DIAPH2: variants seen among roughly 807,000 people sequenced by gnomAD.
The protein encoded by DIAPH2 is diaphanous related formin 2.
DIAPH2 carries 35 observed loss-of-function variants against 92.7 expected under a neutral mutation model. The ratio of observed to expected loss-of-function variants is 0.38; its 90% CI spans 0.29 to 0.50. The LOEUF (loss-of-function observed/expected upper bound fraction) is 0.50. Ranked by LOEUF, DIAPH2 falls within the 20% of genes least tolerant of loss-of-function variation. The pLI is 0.94. For synonymous variants in DIAPH2, 301 were observed against 280.4 expected (o/e 1.07, Z -0.73); for missense variants, 701 against 819.5 (o/e 0.86, Z 1.77).
intron 4 of DIAPH2, among the ~76,000 whole-genome samples, chrX:96,864,288 G>A (rs1419552964): frequency 2.2e-5 from 2 of 90,603 alleles, no homozygotes; most frequent in African/African-American, 7.4e-5. Context: ...ACTTTTTGAG[G>A]CACTTTTTTT....
chrX:97,364,101 G>T (rs1200738981), intron 24 of DIAPH2, among the ~76,000 whole-genome samples: 9 of 111,930 alleles, frequency 8.0e-5, no homozygotes, highest in Non-Finnish European at 1.7e-4. Flanking sequence ...GCTGATAGAG[G>T]AAATATTGGA....
At chrX:96,842,372 G>A (rs1362063185) in intron 4 of DIAPH2, among the ~76,000 whole-genome samples, 1 of 112,088 alleles carries the variant, frequency 8.9e-6, no homozygotes, top group Non-Finnish European at 1.9e-5. Flanking sequence ...AACGTAGCTG[G>A]CATTTATTGA....
intron 9 of DIAPH2, among the ~76,000 whole-genome samples, chrX:96,930,480 A>C (rs2147793403): frequency 9.0e-6 from 1 of 110,889 alleles, no homozygotes. Context: ...GGAGTTTAAT[A>C]TTTCTTCATA....
At chrX:97,035,590 A>G (rs1378455449) in intron 17 of DIAPH2, among the ~76,000 whole-genome samples, 1 of 112,087 alleles carries the variant, frequency 8.9e-6, no homozygotes, top group Non-Finnish European at 1.9e-5. Flanking sequence ...AAATAAGGGA[A>G]TGTGGTCATA....
At chrX:96,722,565 G>A (rs1196822088) in intron 1 of DIAPH2, among the ~76,000 whole-genome samples, 1 of 111,354 alleles carries the variant, frequency 9.0e-6, no homozygotes, top group African/African-American at 3.3e-5. Context: ...TGGATATGTA[G>A]CAATTTGAGG....
At chrX:96,782,289 G>A (rs1184340521) in intron 4 of DIAPH2, among the ~76,000 whole-genome samples, 1 of 109,067 alleles carries the variant, frequency 9.2e-6, no homozygotes. Context: ...TTGTTTGTTT[G>A]TTTGTTTGTT....
chrX:96,811,820 C>T (rs1337804270), intron 4 of DIAPH2, among the ~76,000 whole-genome samples: 5 of 111,492 alleles, frequency 4.5e-5, no homozygotes, highest in African/African-American at 1.3e-4. Context: ...TGCTGGATTA[C>T]GTTTATTGAT....
chrX:96,783,338 G>T (rs1458860361), intron 4 of DIAPH2, among the ~76,000 whole-genome samples: 2 of 112,356 alleles, frequency 1.8e-5, no homozygotes. Context: ...GACTTCAGAA[G>T]CCTAGGGCTT....
At chrX:96,769,967 G>A (rs2064327975) in intron 4 of DIAPH2, among the ~76,000 whole-genome samples, 1 of 111,991 alleles carries the variant, frequency 8.9e-6, no homozygotes, top group Admixed American at 9.5e-5. Flanking sequence ...GGAGGCTGAG[G>A]TGGGTGGATC....
At chrX:96,884,924 T>G in intron 5 of DIAPH2, 1 of 1,211,309 alleles carries the variant, frequency 8.3e-7, no homozygotes, top group Non-Finnish European at 1.1e-6. Context: ...CAGGACGAAG[T>G]GCTGCGTTTG....
chrX:97,553,940 TAG>T (rs1285242843), intron 26 of DIAPH2, among the ~76,000 whole-genome samples: 2 of 111,864 alleles, frequency 1.8e-5, no homozygotes, highest in African/African-American at 6.5e-5. Flanking sequence ...GTTATATACA[TAG>T]ATAGACATAC....
intron 1 of DIAPH2, among the ~76,000 whole-genome samples, chrX:96,699,307 G>A (rs2063842019): frequency 8.9e-6 from 1 of 111,872 alleles, no homozygotes; most frequent in Non-Finnish European, 1.9e-5. Context: ...AAAGGGCTTC[G>A]TGTTACGGAT....
At chrX:97,064,161 A>G (rs1274242129) in intron 17 of DIAPH2, among the ~76,000 whole-genome samples, 1 of 111,903 alleles carries the variant, frequency 8.9e-6, no homozygotes, top group Non-Finnish European at 1.9e-5. Flanking sequence ...TATACTTCAA[A>G]CCTGACGAAT....
rs182477177 is a variant in DIAPH2 at position 97,073,655 on chromosome X, G to A, written c.2152+613G>A. ...TCAGAATTTTTGGTCTGTCACTACA[G>A]TAGACTGTGTTTAGATTTTGCTGAT... On this transcript the variant is annotated intron_variant, in intron 18 of 26. Transcript: ENST00000324765. Among the ~76,000 whole-genome samples, 3 of 111,978 alleles carry A rather than the reference G, an allele frequency of 2.7e-5. No homozygotes were observed. In the East Asian group the frequency reaches 8.4e-4, roughly 31 times the overall value.
intron 3 of DIAPH2, among the ~76,000 whole-genome samples, chrX:96,747,853 T>G (rs2064160031): frequency 8.9e-6 from 1 of 112,295 alleles, no homozygotes; most frequent in African/African-American, 3.2e-5. Context: ...GGTCTTAAAA[T>G]CTATAATAAG....
chrX:97,579,793 A>C lies in DIAPH2; in HGVS notation c.3242-19460A>C, dbSNP rs865922602. Among the ~76,000 whole-genome samples the C allele has an allele frequency of 1.2e-3, 135 of 109,737 alleles. 2 individuals carry two copies. The highest frequency in any genetic ancestry group is 3.8e-3 in the African/African-American group (110 of 29,311). On this transcript the variant is annotated intron_variant, in intron 26 of 26. Transcript: ENST00000324765. ...ATTTTCACGATATTGATTCTTCCTA[A>C]CCATGAGCATGGAATGTTCTTCCAT...
chrX:96,873,118 A>G (rs2065154874), intron 4 of DIAPH2, among the ~76,000 whole-genome samples: 2 of 111,587 alleles, frequency 1.8e-5, no homozygotes, highest in South Asian at 7.6e-4. Flanking sequence ...GATACAAGCC[A>G]TTTTAACTGG....
At chrX:97,503,312 G>C (rs375897385) in intron 26 of DIAPH2, among the ~76,000 whole-genome samples, 2 of 112,103 alleles carry the variant, frequency 1.8e-5, no homozygotes, top group African/African-American at 6.5e-5. Flanking sequence ...GTACTAAATA[G>C]ATCTGCTCAC....
chrX:96,932,464 A>G (rs1303065162), intron 10 of DIAPH2, among the ~76,000 whole-genome samples: 3 of 110,456 alleles, frequency 2.7e-5, no homozygotes, highest in African/African-American at 9.9e-5. Flanking sequence ...GTCTGGGTAT[A>G]TTAATCTCTG....
Sources: allele counts gnomAD v4.1 joint callset (sites outside exome capture counted in the v4.1 genomes callset), GRCh38; gene constraint gnomAD v4.1.1; transcripts MANE v1.5; gene names NCBI Gene and HGNC (gene_info 2026-07-23, HGNC 2026-07-21).